The following ARMC2 variants were observed in gnomAD, a reference collection of about 807,000 sequenced individuals.
ARMC2 encodes the protein armadillo repeat containing 2, also known as armadillo repeat-containing protein 2.
A neutral mutation model predicts 90.3 loss-of-function variants in ARMC2; 67 were observed. That is an observed-to-expected ratio of 0.74 (90% confidence interval 0.61 to 0.91). The LOEUF is 0.91. Ranked by LOEUF, ARMC2 falls within the 40% of genes least tolerant of loss-of-function variation. The pLI, the probability that ARMC2 is intolerant of heterozygous loss-of-function variation, is 0.00. For synonymous variants in ARMC2, 393 were observed against 393.0 expected, an observed-to-expected ratio of 1.00 and a Z score of 0.00; for missense variants, 920 against 1,030.9, an observed-to-expected ratio of 0.89 and a Z score of 1.47.
chr6:108,955,885 T>A (rs767915995), intron 13 of ARMC2, among the ~76,000 whole-genome samples: 2 of 152,234 alleles, frequency 1.3e-5, no homozygotes, highest in Admixed American at 1.3e-4. Context: ...GGGATGGGAC[T>A]GCTGCAGAAT....
chr6:108,894,835 C>T (rs1251914081), intron 6 of ARMC2, among the ~76,000 whole-genome samples: 1 of 137,890 alleles, frequency 7.3e-6, no homozygotes, highest in Non-Finnish European at 1.5e-5. Context: ...GGTGCAATCT[C>T]GGCTCACTGC....
the ARMC2 span, among the ~76,000 whole-genome samples, chr6:108,984,883 T>G: frequency 1.3e-5 from 2 of 152,144 alleles, no homozygotes; most frequent in African/African-American, 4.8e-5. Context: ...GGCTTTGCAT[T>G]TGCCTAAATG....
intron 10 of ARMC2, among the ~76,000 whole-genome samples, chr6:108,925,611 A>C (rs1410359189): frequency 6.6e-6 from 1 of 152,230 alleles, no homozygotes; most frequent in African/African-American, 2.4e-5. Flanking sequence ...AGGGAACTGA[A>C]TATTATCCTG....
chr6:108,848,811 C>T (rs56108087), intron 1 of ARMC2: 2 of 152,482 alleles, frequency 1.3e-5, no homozygotes, highest in Non-Finnish European at 2.9e-5. Context: ...GAGCCGCTGT[C>T]CGAGCGGGAG....
the ARMC2 span, among the ~76,000 whole-genome samples, chr6:109,039,468 A>C: frequency 1.3e-5 from 2 of 152,252 alleles, no homozygotes; most frequent in Non-Finnish European, 2.9e-5. Flanking sequence ...GATGAGGTCC[A>C]ATTTAAGACA....
chr6:108,997,745 T>C, the ARMC2 span, among the ~76,000 whole-genome samples: 10 of 152,338 alleles, frequency 6.6e-5, no homozygotes, highest in African/African-American at 2.2e-4. Context: ...AGAAAATGCA[T>C]GTAAAGCATT....
chr6:108,893,492 CAG>C (rs1209153417), intron 5 of ARMC2, among the ~76,000 whole-genome samples: 1 of 152,166 alleles, frequency 6.6e-6, no homozygotes, highest in Non-Finnish European at 1.5e-5. Flanking sequence ...GAAAAAGAGA[CAG>C]AGGTCTTTCC....
intron 4 of ARMC2, among the ~76,000 whole-genome samples, chr6:108,875,105 T>G (rs1776807234): frequency 6.6e-6 from 1 of 152,142 alleles, no homozygotes; most frequent in Non-Finnish European, 1.5e-5. Flanking sequence ...TCTCTTCCCC[T>G]TTAACAAAAT....
rs570519995 is a variant in ARMC2 at position 108,882,768 on chromosome 6, C to T, written c.671+6418C>T. ...TATCTTCCTTCACTTCCTCTGCTAA[C>T]GCTGTCTTACTGTGAATTGTCAGAC... On this transcript the variant is annotated intron_variant, in intron 5 of 17. Transcript: ENST00000392644. 1.0e-3 allele frequency among the ~76,000 whole-genome samples: 153 copies of T among 146,062 alleles called. 3 individuals carry two copies. The South Asian group carries it at 0.018, about 17-fold the overall frequency.
intron 11 of ARMC2, among the ~76,000 whole-genome samples, chr6:108,931,833 G>A (rs1475776267): frequency 6.6e-6 from 1 of 151,132 alleles, no homozygotes; most frequent in African/African-American, 2.4e-5. Flanking sequence ...GCATGATCTC[G>A]GCTCACCATA....
At chr6:108,969,116 C>A (rs6568554) in intron 17 of ARMC2, among the ~76,000 whole-genome samples, 25,682 of 152,136 alleles carry the variant, frequency 0.17, 2,398 homozygotes, top group Middle Eastern at 0.26. Context: ...TATGTTCATC[C>A]TAAGTTTTGT....
intron 5 of ARMC2, among the ~76,000 whole-genome samples, chr6:108,892,997 A>T (rs896971821): frequency 6.6e-6 from 1 of 152,184 alleles, no homozygotes; most frequent in Admixed American, 6.5e-5. Context: ...TATTTGATGG[A>T]CAAAAAGAAA....
rs6899502 is a variant in ARMC2 at position 108,904,795 on chromosome 6, G to A, written c.1023+390G>A. Among the ~76,000 whole-genome samples, 907 of 152,320 alleles carry A rather than the reference G, an allele frequency of 6.0e-3. 11 individuals are homozygous for A. Among genetic ancestry groups the A allele is most frequent in the African/African-American group, 0.021 (872 of 41,564 alleles). On this transcript the variant is annotated intron_variant, in intron 8 of 17. Transcript: ENST00000392644. ...GTGCAGGCAGTGGTTTCTCTTGGAT[G>A]CTTGATTCTGTCATATGATTTAATA...
At chr6:109,050,589 A>T in the ARMC2 span, among the ~76,000 whole-genome samples, 1 of 152,192 alleles carries the variant, frequency 6.6e-6, no homozygotes. Context: ...ACATCAAAGC[A>T]GTCTCTAACT....
chr6:108,860,444 C>T (rs1326641475), intron 3 of ARMC2, among the ~76,000 whole-genome samples: 1 of 151,874 alleles, frequency 6.6e-6, no homozygotes, highest in Non-Finnish European at 1.5e-5. Context: ...GGGTGGGTCA[C>T]GAGGTCAGGA....
intron 4 of ARMC2, among the ~76,000 whole-genome samples, chr6:108,875,084 G>A (rs1776805358): frequency 6.6e-6 from 1 of 152,020 alleles, no homozygotes; most frequent in African/African-American, 2.4e-5. Flanking sequence ...ACTGTATTAT[G>A]GGAGATTTAC....
At chr6:108,906,763 G>A (rs1344641336) in intron 8 of ARMC2, among the ~76,000 whole-genome samples, 1 of 152,184 alleles carries the variant, frequency 6.6e-6, no homozygotes, top group African/African-American at 2.4e-5. Flanking sequence ...GGGATTACAG[G>A]TGTGAGCCAC....
At chr6:108,925,507 G>A (rs1775023047) in intron 10 of ARMC2, among the ~76,000 whole-genome samples, 1 of 152,202 alleles carries the variant, frequency 6.6e-6, no homozygotes, top group Non-Finnish European at 1.5e-5. Flanking sequence ...AAATAACCTA[G>A]CATTAAGTAG....
intron 12 of ARMC2, among the ~76,000 whole-genome samples, chr6:108,939,536 C>T (rs542112391): frequency 4.3e-4 from 66 of 152,198 alleles, no homozygotes; most frequent in Non-Finnish European, 8.5e-4. Flanking sequence ...TTTCACCTTC[C>T]GCCATGATTG....
Sources: gnomAD v4.1 joint callset for allele counts (sites outside exome capture counted in the v4.1 genomes callset) on GRCh38, gnomAD v4.1.1 for gene constraint, MANE v1.5 for transcripts, NCBI Gene and HGNC (gene_info 2026-07-23, HGNC 2026-07-21) for gene names.